Variants in AXDND1 observed in about 807,000 individuals in gnomAD.
AXDND1 encodes axonemal dynein light chain domain-containing protein 1.
Under a neutral mutation model 137.5 loss-of-function variants are expected in AXDND1, and 110 were observed. That is an observed-to-expected ratio of 0.80 (90% CI 0.69 to 0.94). The LOEUF (loss-of-function observed/expected upper bound fraction) is 0.94. AXDND1 is among the 40% of genes least tolerant of loss of function. The pLI is 0.00. For missense variants in AXDND1, 1,191 were observed against 1,169.8 expected (o/e 1.02, Z -0.26); for synonymous variants, 414 against 399.7 (o/e 1.04, Z -0.43).
At chr1:179,413,603 A>G (rs904952628) in intron 12 of AXDND1, among the ~76,000 whole-genome samples, 4 of 152,234 alleles carry the variant, frequency 2.6e-5, no homozygotes, top group Non-Finnish European at 4.4e-5. Context: ...GCTGCATAAT[A>G]TTCCATGGTA....
intron 16 of AXDND1, chr1:179,447,664 A>C: frequency 7.4e-7 from 1 of 1,349,766 alleles, no homozygotes; most frequent in Admixed American, 1.7e-5. Context: ...TCCACTGTTC[A>C]TTCCAAGATT....
At chr1:179,370,194 T>G in intron 4 of AXDND1, 116 bp downstream of exon 4, 4 of 815,130 alleles carry the variant, frequency 4.9e-6, no homozygotes, top group Non-Finnish European at 7.8e-6. Context: ...ATGATAAAAT[T>G]TACAGTATCT....
chr1:179,391,456 T>C (rs759094252), intron 9 of AXDND1, among the ~76,000 whole-genome samples: 1 of 152,096 alleles, frequency 6.6e-6, no homozygotes, highest in Non-Finnish European at 1.5e-5. Flanking sequence ...ATGAGGGCCG[T>C]TTCCCTCATT....
At chr1:179,537,481 T>G (rs912507355) in intron 25 of AXDND1, among the ~76,000 whole-genome samples, 1 of 152,180 alleles carries the variant, frequency 6.6e-6, no homozygotes, top group African/African-American at 2.4e-5. Flanking sequence ...TTCTGTTTAT[T>G]TGATGGATTA....
At chr1:179,456,790 G>A in intron 16 of AXDND1, 1 of 785,408 alleles carries the variant, frequency 1.3e-6, no homozygotes, top group Non-Finnish European at 2.3e-6. Flanking sequence ...GCCATCTCTT[G>A]GTCTGACAGG....
chr1:179,409,873 G>GT (rs1010295127), intron 11 of AXDND1, among the ~76,000 whole-genome samples: 46 of 149,744 alleles, frequency 3.1e-4, no homozygotes, highest in Non-Finnish European at 4.9e-4. Flanking sequence ...TATCTCCAGT[G>GT]TTTTTTTTTT....
At chr1:179,430,650 G>C (rs771948496) in intron 14 of AXDND1, 44 bp downstream of exon 14, 90 of 1,563,996 alleles carry the variant, frequency 5.8e-5, no homozygotes, top group Non-Finnish European at 7.5e-5. Flanking sequence ...ACTTATGTCT[G>C]ATAACTCAGT....
Position 179,528,449 on chromosome 1 carries a change from A to G in AXDND1, c.2715+18A>G. 2 of 1,554,346 alleles carry G rather than the reference A, an allele frequency of 1.3e-6. No homozygotes were observed. Among genetic ancestry groups the G allele is most frequent in the Non-Finnish European group, 1.8e-6 (2 of 1,126,042 alleles). On this transcript the variant is annotated intron_variant, in intron 23 of 25. Transcript: ENST00000367618. The stretch of plus-strand genomic sequence containing the variant: ...CTTCCTGGGTATGTATCTGAAACCC[A>G]GCTAGGGAATTCAACACTATTTAAC...
At chr1:179,408,189 C>G (rs143790842) in intron 11 of AXDND1, among the ~76,000 whole-genome samples, 1 of 151,910 alleles carries the variant, frequency 6.6e-6, no homozygotes, top group East Asian at 1.9e-4. Flanking sequence ...TATTTGTGTT[C>G]TTTATCTGTG....
chr1:179,482,572 G>C lies in AXDND1; in HGVS notation c.1998-556G>C, dbSNP rs372711196. On this transcript the variant is annotated intron_variant, in intron 17 of 25. Coordinates refer to ENST00000367618, the MANE Select transcript of AXDND1 (RefSeq NM_144696.6). ...TTGCTGCCTCACTGAGCTAAGGAGA[G>C]GAAGGAGCAGTCATGGTTCAAATAC... Among the ~76,000 whole-genome samples the C allele has an allele frequency of 2.6e-5, 4 of 152,092 alleles. No individual in the cohort carries two copies. In the East Asian group the frequency reaches 5.8e-4, roughly 22 times the overall value.
chr1:179,434,710 A>G (rs1455019984), intron 15 of AXDND1, among the ~76,000 whole-genome samples: 1 of 152,180 alleles, frequency 6.6e-6, no homozygotes, highest in Non-Finnish European at 1.5e-5. Flanking sequence ...TCTCAAAATA[A>G]TAAGAGCTAT....
At chr1:179,467,355 G>A (rs1488035485) in intron 16 of AXDND1, among the ~76,000 whole-genome samples, 1 of 151,938 alleles carries the variant, frequency 6.6e-6, no homozygotes, top group African/African-American at 2.4e-5. Context: ...CAGCCCTCTG[G>A]ATCTGCGGGT....
intron 21 of AXDND1, among the ~76,000 whole-genome samples, chr1:179,521,049 CT>C (rs1345839081): frequency 1.3e-5 from 2 of 151,994 alleles, no homozygotes. Context: ...GCAGCCTTGA[CT>C]TCCTGTGCTC....
chr1:179,480,357 G>T (rs1055734084), intron 17 of AXDND1, among the ~76,000 whole-genome samples: 3 of 152,124 alleles, frequency 2.0e-5, no homozygotes, highest in Admixed American at 6.5e-5. Context: ...AGTGAAAGGG[G>T]TTCCCCTTAT....
At chr1:179,456,815 A>G in intron 16 of AXDND1, 1 of 791,692 alleles carries the variant, frequency 1.3e-6, no homozygotes, top group Non-Finnish European at 2.3e-6. Context: ...TCCTAACTTC[A>G]CAGTTGTGGC....
rs138843827 is a variant in AXDND1, at chr1:179,379,182, G to A, written c.496-215G>A. Reference sequence around the variant, plus strand: ...ACATGTAACTAATACTAGCACCAAGGTTATTCTTTAATTTATGGTTATTTT... The same window carrying A: ...ACATGTAACTAATACTAGCACCAAGATTATTCTTTAATTTATGGTTATTTT... On this transcript the variant is annotated intron_variant, in intron 5 of 25. Coordinates refer to ENST00000367618, the MANE Select transcript of AXDND1 (RefSeq NM_144696.6). Among the ~76,000 whole-genome samples the A allele has an allele frequency of 3.3e-3, 498 of 152,116 alleles. 2 individuals carry two copies. Among genetic ancestry groups the A allele is most frequent in the Admixed American group, 5.4e-3 (82 of 15,280 alleles).
At chr1:179,407,580 G>A (rs372092415) in intron 11 of AXDND1, among the ~76,000 whole-genome samples, 2 of 152,010 alleles carry the variant, frequency 1.3e-5, no homozygotes, top group South Asian at 2.1e-4. Context: ...CTGGCTTAAG[G>A]TTTCTGCTGA....
chr1:179,473,330 T>C (rs1391381218), intron 17 of AXDND1, among the ~76,000 whole-genome samples: 3 of 151,914 alleles, frequency 2.0e-5, no homozygotes, highest in Admixed American at 6.6e-5. Context: ...AAACCCTGTC[T>C]CTACTAAAAA....
intron 7 of AXDND1, among the ~76,000 whole-genome samples, chr1:179,383,212 C>G (rs1648663231): frequency 6.6e-6 from 1 of 151,902 alleles, no homozygotes; most frequent in Non-Finnish European, 1.5e-5. Context: ...TGGGGGGAAG[C>G]ATTATTTTCT....
Sources: gnomAD v4.1 joint callset for allele counts (sites outside exome capture counted in the v4.1 genomes callset) on GRCh38, gnomAD v4.1.1 for gene constraint, MANE v1.5 for transcripts, NCBI Gene and HGNC (gene_info 2026-07-23, HGNC 2026-07-21) for gene names.